Variants in ELP4 observed in about 807,000 individuals in gnomAD.
ELP4 encodes the protein elongator acetyltransferase complex subunit 4, also known as elongator complex protein 4.
Under a neutral mutation model 48.9 loss-of-function variants are expected in ELP4, and 51 were observed. The observed-to-expected ratio is 1.04, with a 90% confidence interval of 0.83 to 1.32. The LOEUF (loss-of-function observed/expected upper bound fraction) is 1.32, where lower values mean the gene tolerates loss of function less well. Among genes scored for constraint, ELP4 ranks in the 40% most tolerant of loss-of-function variants. The pLI is 0.00. For missense variants in ELP4, 519 were observed against 514.6 expected, an observed-to-expected ratio of 1.01 and a Z score of -0.08; for synonymous variants, 210 against 189.2, an observed-to-expected ratio of 1.11 and a Z score of -0.90.
intron 9 of ELP4, among the ~76,000 whole-genome samples, chr11:31,740,660 G>A (rs1436462607): frequency 2.6e-5 from 4 of 152,230 alleles, no homozygotes; most frequent in Non-Finnish European, 5.9e-5. Context: ...TGCATTTTCA[G>A]CAACTTCAGT....
chr11:31,529,699 A>C (rs1956362061), intron 2 of ELP4, among the ~76,000 whole-genome samples: 1 of 152,200 alleles, frequency 6.6e-6, no homozygotes, highest in Non-Finnish European at 1.5e-5. Flanking sequence ...TAGGAAAAGG[A>C]GGGGGGCCTG....
chr11:31,740,752 T>G (rs952078712), intron 9 of ELP4, among the ~76,000 whole-genome samples: 5 of 151,996 alleles, frequency 3.3e-5, no homozygotes, highest in Non-Finnish European at 5.9e-5. Context: ...TAAAACAAAT[T>G]TGGGGGAGGA....
chr11:31,582,832 CT>C (rs1176607494), intron 3 of ELP4, among the ~76,000 whole-genome samples: 1 of 151,288 alleles, frequency 6.6e-6, no homozygotes, highest in African/African-American at 2.4e-5. Flanking sequence ...CTTGACTGTT[CT>C]GTTAAAGGAT....
chr11:31,700,035 T>C (rs1946489365), intron 9 of ELP4, among the ~76,000 whole-genome samples: 1 of 152,048 alleles, frequency 6.6e-6, no homozygotes, highest in Non-Finnish European at 1.5e-5. Context: ...AGATTGATAG[T>C]AGTGTTGTAT....
At chr11:31,712,200 T>C (rs2134172978) in intron 9 of ELP4, among the ~76,000 whole-genome samples, 1 of 152,152 alleles carries the variant, frequency 6.6e-6, no homozygotes, top group Admixed American at 6.6e-5. Context: ...ACCAACAGAA[T>C]TGTGTACGTT....
intron 6 of ELP4, among the ~76,000 whole-genome samples, chr11:31,627,680 T>C (rs1218271402): frequency 1.3e-5 from 2 of 152,070 alleles, no homozygotes; most frequent in African/African-American, 2.4e-5. Flanking sequence ...GATTTCTCTG[T>C]AGCTCTAATT....
chr11:31,554,347 G>A (rs991035554), intron 3 of ELP4, among the ~76,000 whole-genome samples: 1 of 151,916 alleles, frequency 6.6e-6, no homozygotes, highest in Non-Finnish European at 1.5e-5. Flanking sequence ...AATAGCATAG[G>A]TTTGGTTTTG....
intron 3 of ELP4, among the ~76,000 whole-genome samples, chr11:31,566,128 C>T (rs1565056951): frequency 3.3e-5 from 5 of 152,124 alleles, no homozygotes; most frequent in Middle Eastern, 3.4e-3. Flanking sequence ...ATGATCAAGG[C>T]GGTTAGATTG....
intron 9 of ELP4, among the ~76,000 whole-genome samples, chr11:31,731,228 GAAAC>G (rs1445746338): frequency 1.1e-4 from 17 of 152,088 alleles, no homozygotes; most frequent in Non-Finnish European, 1.0e-4. Flanking sequence ...TAAATTTCCA[GAAAC>G]AAACCCTTAA....
At chr11:31,626,926 C>T (rs1036176997) in intron 5 of ELP4, among the ~76,000 whole-genome samples, 184 bp from the exon 6 acceptor site, 1 of 151,746 alleles carries the variant, frequency 6.6e-6, no homozygotes, top group Admixed American at 6.6e-5. Context: ...TATAATAAGG[C>T]ATTGTAACTT....
intron 1 of ELP4, among the ~76,000 whole-genome samples, chr11:31,518,233 C>A (rs761630482): frequency 2.0e-5 from 3 of 151,340 alleles, no homozygotes; most frequent in Middle Eastern, 6.9e-3. Context: ...CAGCCTCCTG[C>A]GTAGCTGGGA....
Position 31,647,823 on chromosome 11 carries a change from C to T in ELP4, c.1010C>T (p.Thr337Ile), listed in dbSNP as rs533838732. 10 of 1,603,784 alleles carry T rather than the reference C, an allele frequency of 6.2e-6. No individual in the cohort carries two copies. Among genetic ancestry groups the T allele is most frequent in the African/African-American group, 4.0e-5 (3 of 74,590 alleles). The change falls in exon 8 of 10, where the codon ACT becomes ATT. Residue 337 changes from threonine (T) to isoleucine (I), a missense_variant. Thr to Ile is a moderately conservative substitution (Grantham distance 89). Coordinates refer to ENST00000640961, the MANE Select transcript of ELP4 (RefSeq NM_019040.5). ...TCATTTATTGGTTCTGAGAGAGAAA[C>T]TAACCCATTGTATAAGGATTATCAT... ...LESFIGSERE[T>I]NPLYKDYHGL... is the part of the protein sequence containing the mutation.
At chr11:31,564,774 A>G (rs953640787) in intron 3 of ELP4, among the ~76,000 whole-genome samples, 1 of 152,144 alleles carries the variant, frequency 6.6e-6, no homozygotes, top group Non-Finnish European at 1.5e-5. Context: ...AATCCAGTCT[A>G]TCATTGGTGG....
At chr11:31,699,594 A>G (rs1946478329) in intron 9 of ELP4, among the ~76,000 whole-genome samples, 1 of 152,136 alleles carries the variant, frequency 6.6e-6, no homozygotes, top group South Asian at 2.1e-4. Flanking sequence ...TTCAATGGAG[A>G]CTGAGGCCTG....
At chr11:31,753,692 A>C (rs893055202) in intron 9 of ELP4, among the ~76,000 whole-genome samples, 1 of 152,252 alleles carries the variant, frequency 6.6e-6, no homozygotes, top group Admixed American at 6.5e-5. Context: ...AGAATGTTGA[A>C]TATAGCATTT....
rs927801670 is a variant in ELP4 at position 31,788,213 on chromosome 11, G to A, written c.*4689G>A. 2.6e-5 allele frequency: 6 copies of A among 226,806 alleles called. No individual in the cohort carries two copies. Among genetic ancestry groups the A allele is most frequent in the Admixed American group, 5.7e-5 (1 of 17,556 alleles). 14.0% of individuals were successfully genotyped at this position (226,806 alleles called of 1,614,324 possible). Reference sequence around the variant, plus strand: ...GCAAATAACAACTGACCAACAATGGGCCCTGCTTCATAGATTTGGGAATGT... The same window carrying A: ...GCAAATAACAACTGACCAACAATGGACCCTGCTTCATAGATTTGGGAATGT... On this transcript the variant is annotated 3_prime_UTR_variant, in exon 10 of 10. Transcript: ENST00000640961.
Position 31,570,940 on chromosome 11 carries a change from C to T in ELP4, c.382-23830C>T, listed in dbSNP as rs1191198944. On this transcript the variant is annotated intron_variant, in intron 3 of 9. Transcript: ENST00000640961. ...TCAGCTTCCCAAGTAGCTGGGACTA[C>T]AGGCGCACGCCAGCACGCCCAGCCA... Among the ~76,000 whole-genome samples the T allele has an allele frequency of 4.0e-5, 6 of 151,696 alleles. No homozygotes were observed. The East Asian group carries it at 7.8e-4, about 20-fold the overall frequency.
At chr11:31,522,611 G>T (rs1169565908) in intron 2 of ELP4, among the ~76,000 whole-genome samples, 2 of 151,958 alleles carry the variant, frequency 1.3e-5, no homozygotes, top group Non-Finnish European at 2.9e-5. Flanking sequence ...GCATAATCTT[G>T]TGTATAACCT....
At chr11:31,568,595 A>C (rs1365880558) in intron 3 of ELP4, among the ~76,000 whole-genome samples, 1 of 152,180 alleles carries the variant, frequency 6.6e-6, no homozygotes, top group Non-Finnish European at 1.5e-5. Flanking sequence ...AGACCAATGG[A>C]ACAGAAAAGA....
Sources: gnomAD v4.1 joint callset for allele counts (sites outside exome capture counted in the v4.1 genomes callset) on GRCh38, gnomAD v4.1.1 for gene constraint, MANE v1.5 for transcripts, NCBI Gene and HGNC (gene_info 2026-07-23, HGNC 2026-07-21) for gene names.